Variants in SIGLEC15 observed in about 807,000 individuals in gnomAD.
The protein encoded by SIGLEC15 is sialic acid-binding Ig-like lectin 15.
SIGLEC15 carries 31 observed loss-of-function variants against 26.2 expected under a neutral mutation model. That is an observed-to-expected ratio of 1.18 (90% confidence interval 0.89 to 1.60). The LOEUF (loss-of-function observed/expected upper bound fraction) is 1.60, where lower values mean the gene tolerates loss of function less well. Among genes scored for constraint, SIGLEC15 ranks in the 40% most tolerant of loss-of-function variants. The pLI is 0.00. For synonymous variants in SIGLEC15, 207 were observed against 221.9 expected, an observed-to-expected ratio of 0.93 and a Z score of 0.60; for missense variants, 501 against 488.4, an observed-to-expected ratio of 1.03 and a Z score of -0.24.
rs2048346426 is a variant in SIGLEC15, at chr18:45,844,044, G to C, written c.*1857G>C. On this transcript the variant is annotated 3_prime_UTR_variant, in exon 6 of 6. Coordinates refer to ENST00000389474, the MANE Select transcript of SIGLEC15 (RefSeq NM_213602.3). ...TCAGCCTAAGTGTCCATCCACGAAT[G>C]AATGAAGAAAATGAACACACAATGA... is the stretch of plus-strand genomic sequence containing the variant. 1 of 151,304 alleles carries C rather than the reference G, an allele frequency of 6.6e-6. No homozygotes were observed. Among genetic ancestry groups the C allele is most frequent in the South Asian group, 2.1e-4 (1 of 4,804 alleles). 9.4% of individuals were successfully genotyped at this position (151,304 alleles called of 1,614,324 possible). A position where few individuals can be genotyped will look rare whatever the true frequency, so the allele number is the denominator to read the frequency against.
At chr18:45,826,424 A>G (rs752892835) in intron 1 of SIGLEC15, among the ~76,000 whole-genome samples, 3 of 152,226 alleles carry the variant, frequency 2.0e-5, no homozygotes, top group Non-Finnish European at 4.4e-5. Context: ...GGCATTTGCT[A>G]AAATGCAGGT....
intron 5 of SIGLEC15, among the ~76,000 whole-genome samples, chr18:45,840,574 C>T (rs142753118): frequency 2.0e-5 from 3 of 152,354 alleles, no homozygotes; most frequent in Admixed American, 2.0e-4. Context: ...TGGCACTCTG[C>T]TGAAGGCTTT....
At chr18:45,834,736 A>G (rs2048262591) in intron 1 of SIGLEC15, among the ~76,000 whole-genome samples, 1 of 152,226 alleles carries the variant, frequency 6.6e-6, no homozygotes, top group Non-Finnish European at 1.5e-5. Flanking sequence ...AAAGTGGGGA[A>G]GTGTCCAATA....
Position 45,840,202 on chromosome 18 carries a change from C to T in SIGLEC15, c.875-9C>T. ...ATTCATGCCTGCTCTCTTGCTGTCC[C>T]TCCCACAGAGCATCTGGACACCCCG... On this transcript the variant is annotated splice_polypyrimidine_tract_variant and intron_variant, in intron 4 of 5. Coordinates refer to ENST00000389474, the MANE Select transcript of SIGLEC15 (RefSeq NM_213602.3). The T allele has an allele frequency of 6.2e-7, 1 of 1,613,262 alleles. No homozygotes were observed. The highest frequency in any genetic ancestry group is 8.5e-7 in the Non-Finnish European group (1 of 1,179,666).
At chr18:45,828,613 T>C (rs1316294874) in intron 1 of SIGLEC15, among the ~76,000 whole-genome samples, 2 of 152,218 alleles carry the variant, frequency 1.3e-5, no homozygotes, top group Non-Finnish European at 2.9e-5. Flanking sequence ...TCATTTACTC[T>C]TCAGCACAGC....
At chr18:45,831,281 G>A (rs1464891484) in intron 1 of SIGLEC15, among the ~76,000 whole-genome samples, 1 of 152,180 alleles carries the variant, frequency 6.6e-6, no homozygotes, top group Non-Finnish European at 1.5e-5. Flanking sequence ...TAGTCTCTTT[G>A]ACACTGTACA....
At position 45,842,509 on chromosome 18, in the gene SIGLEC15, C is replaced by A; in HGVS notation, c.*322C>A. On this transcript the variant is annotated 3_prime_UTR_variant, in exon 6 of 6. Coordinates refer to ENST00000389474, the MANE Select transcript of SIGLEC15 (RefSeq NM_213602.3). ...AAACTTCCAGAAATGTTCCCTTGCC[C>A]TTTCTTACCTAGAACACCTGCTATA... is the stretch of plus-strand genomic sequence containing the variant. The A allele has an allele frequency of 3.3e-6, 1 of 302,596 alleles. No homozygotes were observed. The highest frequency in any genetic ancestry group is 6.3e-6 in the Non-Finnish European group (1 of 159,586). 18.7% of individuals were successfully genotyped at this position (302,596 alleles called of 1,614,324 possible).
rs2048285296 is a variant in SIGLEC15, at chr18:45,837,516, C to T, written c.116C>T (p.Ser39Leu). 2 of 1,494,998 alleles carry T rather than the reference C, an allele frequency of 1.3e-6. No individual in the cohort carries two copies. The highest frequency in any genetic ancestry group is 1.3e-5 in the South Asian group (1 of 79,708). 92.6% of individuals were successfully genotyped at this position (1,494,998 alleles called of 1,614,324 possible). ...ACGCAGCCCGCCCCGCCCTCAGGCT[C>T]GCCAGCGCAGCGCTGGTCCATGCAG... ...ENLLNTEVHS[S>L]PAQRWSMQVP... is the part of the protein sequence containing the mutation. Residue 39 changes from serine to leucine, a missense_variant, in exon 3 of 6, where the codon TCG becomes TTG. Ser to Leu is a moderately radical substitution (Grantham distance 145). Transcript: ENST00000389474.
At chr18:45,834,113 G>T (rs571690) in intron 1 of SIGLEC15, among the ~76,000 whole-genome samples, 33,620 of 151,956 alleles carry the variant, frequency 0.22, 4,405 homozygotes, top group Admixed American at 0.36. Context: ...TCAAGGCTTC[G>T]TGCAGTCCCC....
At chr18:45,831,743 C>CTTTTTTT (rs3068941) in intron 1 of SIGLEC15, among the ~76,000 whole-genome samples, 2 of 146,754 alleles carry the variant, frequency 1.4e-5, no homozygotes, top group African/African-American at 5.0e-5. Context: ...GTACCAACAT[C>CTTTTTTT]TTTTTTTTTT....
At chr18:45,829,413 T>C (rs1401948288) in intron 1 of SIGLEC15, among the ~76,000 whole-genome samples, 2 of 152,202 alleles carry the variant, frequency 1.3e-5, no homozygotes, top group Non-Finnish European at 2.9e-5. Context: ...CTTTCTCTGC[T>C]GATAACCTAT....
At chr18:45,839,401 C>T (rs2048306342) in intron 4 of SIGLEC15, among the ~76,000 whole-genome samples, 1 of 152,194 alleles carries the variant, frequency 6.6e-6, no homozygotes, top group South Asian at 2.1e-4. Flanking sequence ...ACCCGGTAAA[C>T]GATTCCTCTG....
intron 4 of SIGLEC15, 38 bp downstream of exon 4, chr18:45,839,133 G>C: frequency 7.4e-7 from 1 of 1,356,268 alleles, no homozygotes; most frequent in Non-Finnish European, 9.4e-7. Context: ...GCGAGGGGCC[G>C]GGCCGGGGCT....
At chr18:45,835,244 AC>A (rs1164346009) in intron 1 of SIGLEC15, among the ~76,000 whole-genome samples, 1 of 152,112 alleles carries the variant, frequency 6.6e-6, no homozygotes, top group Non-Finnish European at 1.5e-5. Context: ...CAAGTAAGAG[AC>A]CCCATGGCCG....
intron 3 of SIGLEC15, 64 bp from the exon 4 acceptor site, chr18:45,838,654 C>G: frequency 1.4e-6 from 2 of 1,457,834 alleles, no homozygotes; most frequent in South Asian, 1.4e-5. Context: ...CCCTCCGGCT[C>G]TGGCGTCCAA....
At chr18:45,839,149 C>T in intron 4 of SIGLEC15, 54 bp downstream of exon 4, 2 of 1,346,864 alleles carry the variant, frequency 1.5e-6, no homozygotes, top group Non-Finnish European at 1.9e-6. Flanking sequence ...GGGCTCTCTG[C>T]TCTTAGATAA....
chr18:45,833,242 CCA>C (rs890630198), intron 1 of SIGLEC15, among the ~76,000 whole-genome samples: 7 of 152,158 alleles, frequency 4.6e-5, no homozygotes, highest in Admixed American at 1.3e-4. Context: ...TCTGCAAACC[CCA>C]GTTTCCCCTT....
At chr18:45,830,242 T>C (rs1353051301) in intron 1 of SIGLEC15, among the ~76,000 whole-genome samples, 2 of 152,244 alleles carry the variant, frequency 1.3e-5, no homozygotes, top group Admixed American at 1.3e-4. Flanking sequence ...TCTGACCCTA[T>C]CCAATTGCAG....
chr18:45,827,503 G>C (rs529646530), intron 1 of SIGLEC15, among the ~76,000 whole-genome samples: 2 of 152,346 alleles, frequency 1.3e-5, no homozygotes, highest in East Asian at 3.9e-4. Context: ...GTCAATGGGA[G>C]AGGGGTTGAG....
Sources: allele counts gnomAD v4.1 joint callset (sites outside exome capture counted in the v4.1 genomes callset), GRCh38; gene constraint gnomAD v4.1.1; transcripts MANE v1.5; gene names NCBI Gene and HGNC (gene_info 2026-07-23, HGNC 2026-07-21).